CELF2: variants seen among roughly 807,000 people sequenced by gnomAD.
The protein encoded by CELF2 is CUG triplet repeat RNA-binding protein 2.
In CELF2, 8 loss-of-function variants were observed where a neutral mutation model predicts 62.6. The observed-to-expected ratio is 0.13, with a 90% CI of 0.07 to 0.23. The LOEUF is 0.23. Among genes scored for constraint, CELF2 ranks in the 10% least tolerant of loss-of-function variants. CELF2 has a pLI of 1.00. For missense variants in CELF2, 333 were observed against 671.0 expected (o/e 0.50, Z 5.56); for synonymous variants, 258 against 250.0 (o/e 1.03, Z -0.30).
chr10:10,674,005 T>A, the CELF2 span, among the ~76,000 whole-genome samples: 8 of 152,240 alleles, frequency 5.3e-5, no homozygotes, highest in Non-Finnish European at 2.9e-5. Context: ...CTGCTGCTCT[T>A]GGATCAAGTA....
intron 1 of CELF2, among the ~76,000 whole-genome samples, chr10:11,087,660 G>A (rs1237009973): frequency 1.3e-5 from 2 of 152,184 alleles, no homozygotes; most frequent in Non-Finnish European, 2.9e-5. Context: ...TCAGTCAGTA[G>A]GAATAATCAG....
intron 1 of CELF2, among the ~76,000 whole-genome samples, chr10:11,113,223 A>G (rs1021355305): frequency 1.3e-5 from 2 of 152,226 alleles, no homozygotes; most frequent in Non-Finnish European, 2.9e-5. Context: ...ATATATAAGC[A>G]CTTTGTCATG....
At position 11,284,649 on chromosome 10, in the gene CELF2, A is replaced by G. The variant is rs975893888; in HGVS notation, c.842-3769A>G. On this transcript the variant is annotated intron_variant, in intron 8 of 12. Coordinates refer to ENST00000633077, the MANE Select transcript of CELF2 (RefSeq NM_001326342.2). Reference sequence around the variant, plus strand: ...GGATCCATACCACAATGAGGGATGGATGGGTGTGCTGATGAAGGATGTGTG... The same window carrying G: ...GGATCCATACCACAATGAGGGATGGGTGGGTGTGCTGATGAAGGATGTGTG... Among the ~76,000 whole-genome samples, 4 of 144,282 alleles carry G rather than the reference A, an allele frequency of 2.8e-5. No homozygotes were observed. In the South Asian group the frequency reaches 9.4e-4, roughly 34 times the overall value. The allele number at this position is 144,282 out of a possible 152,430, so 94.7% of individuals were successfully genotyped here.
At chr10:10,557,843 G>A in the CELF2 span, among the ~76,000 whole-genome samples, 17,997 of 142,544 alleles carry the variant, frequency 0.13, 966 homozygotes, top group East Asian at 0.21. Context: ...TTTGTCTGTT[G>A]TTGGTGTATA....
intron 2 of CELF2, among the ~76,000 whole-genome samples, chr10:11,196,993 G>GAAAGAAAGAAAGAAA (rs1565228450): frequency 8.7e-5 from 6 of 68,924 alleles, no homozygotes; most frequent in African/African-American, 3.3e-4. Context: ...AAGAAAGAAA[G>GAAAGAAAGAAAGAAA]GAAGGAAGGA....
At chr10:11,249,915 C>T (rs1489208189) in intron 4 of CELF2, among the ~76,000 whole-genome samples, 1 of 152,142 alleles carries the variant, frequency 6.6e-6, no homozygotes, top group East Asian at 1.9e-4. Context: ...TTAAAAGAAT[C>T]TTCTACCATC....
chr10:11,117,500 A>G lies in CELF2; in HGVS notation c.75-47986A>G, dbSNP rs2056807032. 6.6e-6 allele frequency among the ~76,000 whole-genome samples: 1 copy of G among 152,200 alleles called. No homozygotes were observed. Among genetic ancestry groups the G allele is most frequent in the Admixed American group, 6.5e-5 (1 of 15,284 alleles). ...CTTTCCTGTGCTCTGCAGCAGCTCTAGAGGCCACTCCTTTAGACCTAGGTC... is the reference window on the plus strand; with the variant it reads ...CTTTCCTGTGCTCTGCAGCAGCTCTGGAGGCCACTCCTTTAGACCTAGGTC... On this transcript the variant is annotated intron_variant, in intron 1 of 12. Transcript: ENST00000633077. The surrounding 1 kb of genome is among the most constrained non-coding windows in gnomAD (Gnocchi z 4.1).
In CELF2 at chr10:11,144,977, C is replaced by T. The variant is rs2062009272; in HGVS notation, c.75-20509C>T. On this transcript the variant is annotated intron_variant, in intron 1 of 12. Coordinates refer to ENST00000633077, the MANE Select transcript of CELF2 (RefSeq NM_001326342.2). Reference sequence around the variant, plus strand: ...AGTGGAGAGTTGAAAATATGCGAAGCTGTAAGACTTTCTTGTTTATTTCTG... The same window carrying T: ...AGTGGAGAGTTGAAAATATGCGAAGTTGTAAGACTTTCTTGTTTATTTCTG... Among the ~76,000 whole-genome samples the T allele has an allele frequency of 2.0e-5, 3 of 150,596 alleles. No homozygotes were observed. The South Asian group carries it at 6.3e-4, about 32-fold the overall frequency.
Position 10,941,560 on chromosome 10 carries a change from A to T in CELF2, c.89+21561A>T, listed in dbSNP as rs868759927. On this transcript the variant is annotated intron_variant, in intron 2 of 13. Transcript: ENST00000636488. ...CACTTGGATCCTAGAGCCACTTTGC[A>T]TCTGCCCAAATCAGCTAGAGAAAAC... Among the ~76,000 whole-genome samples, 4 of 152,358 alleles carry T rather than the reference A, an allele frequency of 2.6e-5. No homozygotes were observed. In the East Asian group the frequency reaches 5.8e-4, roughly 22 times the overall value.
chr10:10,895,526 T>G (rs1564784665), intron 1 of CELF2, among the ~76,000 whole-genome samples: 1 of 152,088 alleles, frequency 6.6e-6, no homozygotes, highest in Non-Finnish European at 1.5e-5. Flanking sequence ...TCTGAAAAAT[T>G]TTCAGCCTAT....
chr10:10,495,266 G>A, the CELF2 span, among the ~76,000 whole-genome samples: 8 of 152,114 alleles, frequency 5.3e-5, no homozygotes, highest in Admixed American at 1.3e-4. Context: ...GCGACAGAGC[G>A]AGACTCTATC....
chr10:10,945,732 AC>A (rs1212208562), intron 2 of CELF2, among the ~76,000 whole-genome samples: 1 of 152,162 alleles, frequency 6.6e-6, no homozygotes, highest in Admixed American at 6.5e-5. Context: ...GCCCTGTGGT[AC>A]CATTGATCCC....
the CELF2 span, among the ~76,000 whole-genome samples, chr10:10,715,618 A>G: frequency 6.6e-6 from 1 of 152,242 alleles, no homozygotes; most frequent in African/African-American, 2.4e-5. Flanking sequence ...TCTATGAAAT[A>G]AAACATTCCC....
At chr10:10,932,694 G>A (rs535219453) in intron 2 of CELF2, among the ~76,000 whole-genome samples, 1,769 of 149,814 alleles carry the variant, frequency 0.012, 17 homozygotes, top group African/African-American at 0.028. Context: ...GTGTGTGTGT[G>A]TATATATATA....
At chr10:10,724,559 G>C in the CELF2 span, among the ~76,000 whole-genome samples, 1 of 149,032 alleles carries the variant, frequency 6.7e-6, no homozygotes, top group Non-Finnish European at 1.5e-5. Context: ...AGGAGGCTGA[G>C]ACAGGAGAAC....
chr10:10,842,158 C>T (rs1248798376), intron 1 of CELF2, among the ~76,000 whole-genome samples: 2 of 151,992 alleles, frequency 1.3e-5, no homozygotes, highest in African/African-American at 4.8e-5. Flanking sequence ...TGTAATCTTG[C>T]TATAGTTACT....
At chr10:10,795,342 G>A (rs570598401), upstream of CELF2, among the ~76,000 whole-genome samples, 16 of 150,794 alleles carry the variant, frequency 1.1e-4, no homozygotes, top group African/African-American at 3.9e-4. Flanking sequence ...AGGGGTAAAT[G>A]TATCAAAATT....
At chr10:10,907,235 G>A (rs1421732007) in intron 1 of CELF2, among the ~76,000 whole-genome samples, 1 of 152,068 alleles carries the variant, frequency 6.6e-6, no homozygotes, top group African/African-American at 2.4e-5. Context: ...TTCATATACA[G>A]CTATATGGGG....
chr10:10,967,733 A>G lies in CELF2; in HGVS notation c.89+47734A>G, dbSNP rs565634771. Among the ~76,000 whole-genome samples the G allele has an allele frequency of 5.9e-5, 9 of 151,954 alleles. No homozygotes were observed. The South Asian group carries it at 1.9e-3, about 32-fold the overall frequency. On this transcript the variant is annotated intron_variant, in intron 2 of 13. Coordinates refer to the CELF2 transcript ENST00000636488. ...CTGGAAGCTCCCAGTGGGAAGCAAG[A>G]CCTGGGAGCAAATACACTGATGGAT...
Sources: gnomAD v4.1 joint callset for allele counts (sites outside exome capture counted in the v4.1 genomes callset) on GRCh38, gnomAD v4.1.1 for gene constraint, Gnocchi (gnomAD v3.1) non-coding constraint, MANE v1.5 for transcripts, NCBI Gene and HGNC (gene_info 2026-07-23, HGNC 2026-07-21) for gene names.